Variants in BRAP observed in about 807,000 individuals in gnomAD.
The protein encoded by BRAP is BRCA1-associated protein.
A neutral mutation model predicts 73.4 loss-of-function variants in BRAP; 42 were observed. The observed-to-expected ratio is 0.57, with a 90% CI of 0.45 to 0.74. The LOEUF is 0.74. BRAP is among the 30% of genes least tolerant of loss of function. The probability of loss-of-function intolerance (pLI) is 0.00; values close to 1 mark genes in which losing one functional copy is unlikely to be tolerated. For missense variants in BRAP, 593 were observed against 751.4 expected (o/e 0.79, Z 2.46); for synonymous variants, 255 against 267.4 (o/e 0.95, Z 0.45).
At chr12:111,682,632 C>T (rs1887648613) in intron 2 of BRAP, among the ~76,000 whole-genome samples, 1 of 152,170 alleles carries the variant, frequency 6.6e-6, no homozygotes, top group African/African-American at 2.4e-5. Context: ...TCCCTGGTAG[C>T]CGGGTGTGGT....
rs1886900641 is a variant in BRAP at position 111,665,375 on chromosome 12, C to CA, written c.896+263_896+264insT. Among the ~76,000 whole-genome samples, 1 of 149,330 alleles carries CA rather than the reference C, an allele frequency of 6.7e-6. No individual in the cohort carries two copies. Among genetic ancestry groups the CA allele is most frequent in the Admixed American group, 6.7e-5 (1 of 14,868 alleles). On this transcript the variant is annotated intron_variant, in intron 6 of 11. Coordinates refer to ENST00000419234, the MANE Select transcript of BRAP (RefSeq NM_006768.5). The surrounding 1 kb of genome is among the most constrained non-coding windows in gnomAD (Gnocchi z 4.3). Reference sequence around the variant, plus strand: ...CACGAGAGCCTCAAACTAAGCTTTGCTTTTTTTTTTCACTCTCTGGCTCTT... The same window carrying CA: ...CACGAGAGCCTCAAACTAAGCTTTGCATTTTTTTTTTCACTCTCTGGCTCTT...
chr12:111,649,926 C>T lies in BRAP; in HGVS notation c.1415+13G>A, dbSNP rs752458140. On this transcript the variant is annotated intron_variant, in intron 11 of 11. Coordinates refer to ENST00000419234, the MANE Select transcript of BRAP (RefSeq NM_006768.5). Reference sequence around the variant, plus strand: ...TAGAGCCTGTTACAACAGAATAGACCGATTATACCTACTTTCTTTCCACAG... The same window carrying T: ...TAGAGCCTGTTACAACAGAATAGACTGATTATACCTACTTTCTTTCCACAG... The T allele has an allele frequency of 1.3e-6, 2 of 1,553,216 alleles. No homozygotes were observed. Among genetic ancestry groups the T allele is most frequent in the African/African-American group, 1.4e-5 (1 of 73,360 alleles).
chr12:111,669,233 T>TC (rs368767809), intron 5 of BRAP, among the ~76,000 whole-genome samples: 199 of 143,110 alleles, frequency 1.4e-3, no homozygotes, highest in African/African-American at 4.8e-3. Context: ...CTTCTCTCTC[T>TC]TTTTTTTTTT....
chr12:111,671,361 C>A (rs902158133), intron 5 of BRAP, among the ~76,000 whole-genome samples: 3 of 150,926 alleles, frequency 2.0e-5, no homozygotes, highest in Non-Finnish European at 4.4e-5. Flanking sequence ...ACTAGCCTGG[C>A]CAGTGTGGTG....
chr12:111,645,659 CA>C (rs779381836), intron 11 of BRAP, among the ~76,000 whole-genome samples: 44 of 152,200 alleles, frequency 2.9e-4, no homozygotes, highest in South Asian at 6.2e-4. Context: ...CAGTCTTACT[CA>C]TAAGTAAAGA....
rs532328093 is a variant in BRAP, at chr12:111,658,363, C to T, written c.1221+373G>A. 6.6e-5 allele frequency among the ~76,000 whole-genome samples: 10 copies of T among 152,016 alleles called. 1 individual carries two copies. The highest frequency in any genetic ancestry group is 2.2e-4 in the African/African-American group (9 of 41,470). ...TTGCCCAAGCTGGAGTGCAATGACC[C>T]GATCTCGGCTCACTGCAACCTCTGC... On this transcript the variant is annotated intron_variant, in intron 9 of 11. Coordinates refer to ENST00000419234, the MANE Select transcript of BRAP (RefSeq NM_006768.5).
intron 3 of BRAP, among the ~76,000 whole-genome samples, chr12:111,680,525 C>G (rs1383576179): frequency 7.6e-6 from 1 of 131,624 alleles, no homozygotes; most frequent in African/African-American, 3.3e-5. Flanking sequence ...GATGAAACCC[C>G]ATCTCTGCCA....
rs563819957 is a variant in BRAP at position 111,646,789 on chromosome 12, A to AT, written c.1416-2228_1416-2227insA. ...TTCCGTCTCAAAAATAAATAAATAA[A>AT]AACAAAAAATTTGCATGCCCTTTGA... On this transcript the variant is annotated intron_variant, in intron 11 of 11. Transcript: ENST00000419234. Among the ~76,000 whole-genome samples the AT allele has an allele frequency of 1.2e-4, 18 of 152,326 alleles. No homozygotes were observed. The South Asian group carries it at 3.7e-3, about 32-fold the overall frequency.
At chr12:111,674,283 C>T (rs1748651847) in intron 4 of BRAP, among the ~76,000 whole-genome samples, 1 of 152,034 alleles carries the variant, frequency 6.6e-6, no homozygotes, top group African/African-American at 2.4e-5. Flanking sequence ...CGCTTTGTCA[C>T]CCAGGCTGGA....
intron 6 of BRAP, among the ~76,000 whole-genome samples, chr12:111,662,657 TGTAAGAGAAAGGAAAG>T (rs941333304): frequency 4.6e-5 from 7 of 151,966 alleles, no homozygotes; most frequent in African/African-American, 1.7e-4. Flanking sequence ...GCTCTATCTG[TGTAAGAGAAAGGAAAG>T]GATCTAGTCC....
At chr12:111,659,407 T>C (rs1886656092) in intron 7 of BRAP, 62 bp from the exon 8 acceptor site, 6 of 1,521,300 alleles carry the variant, frequency 3.9e-6, no homozygotes, top group African/African-American at 1.4e-5. Context: ...CTGGGCGCGA[T>C]GGCTCGGAGG....
chr12:111,685,088 G>A (rs1887759062), intron 1 of BRAP, among the ~76,000 whole-genome samples: 1 of 152,216 alleles, frequency 6.6e-6, no homozygotes, highest in African/African-American at 2.4e-5. Flanking sequence ...TCAGACTCAA[G>A]TCCAGCTCAC....
intron 5 of BRAP, among the ~76,000 whole-genome samples, chr12:111,669,444 T>C (rs1298521488): frequency 6.6e-6 from 1 of 152,136 alleles, no homozygotes; most frequent in Non-Finnish European, 1.5e-5. Context: ...CAGGTTGGTC[T>C]TGAACTCCTG....
Position 111,683,319 on chromosome 12 carries a change from A to G in BRAP, c.83-12T>C, listed in dbSNP as rs757425792. On this transcript the variant is annotated splice_polypyrimidine_tract_variant and intron_variant, in intron 1 of 11. Coordinates refer to ENST00000419234, the MANE Select transcript of BRAP (RefSeq NM_006768.5). ...AGACATTTCCCCGGCTAAAGAACAC[A>G]TGAATGATTAATACAAGGTAATAAA... 73 of 1,604,800 alleles carry G rather than the reference A, an allele frequency of 4.5e-5. No homozygotes were observed. The highest frequency in any genetic ancestry group is 5.9e-5 in the Non-Finnish European group (70 of 1,176,540).
Position 111,643,466 on chromosome 12 carries a change from C to T in BRAP, c.*733G>A, listed in dbSNP as rs111916933. Reference sequence around the variant, plus strand: ...TTGGGAACAGCCATTAAGCCTCCTCCTTAATTGCGGTTCATAATGATGTAC... The same window carrying T: ...TTGGGAACAGCCATTAAGCCTCCTCTTTAATTGCGGTTCATAATGATGTAC... On this transcript the variant is annotated 3_prime_UTR_variant, in exon 12 of 12. Coordinates refer to ENST00000419234, the MANE Select transcript of BRAP (RefSeq NM_006768.5). The T allele has an allele frequency of 5.3e-5, 8 of 152,272 alleles. No individual in the cohort carries two copies. The highest frequency in any genetic ancestry group is 2.1e-4 in the South Asian group (1 of 4,826). The allele number at this position is 152,272 out of a possible 1,614,324, so 9.4% of individuals were successfully genotyped here.
In BRAP at chr12:111,644,356, T is replaced by C. The variant is rs1405524551; in HGVS notation, c.1622A>G (p.Glu541Gly). The part of the protein sequence containing the change: ...EQLRDVMFYL[E>G]TQQKINHLPA... ...CAGATGGTTGATCTTCTGCTGTGTC[T>C]CCAGGTAGAACATGACGTCACGCAG... Residue 541 changes from glutamate (E) to glycine (G), a missense_variant, in exon 12 of 12, where the codon GAG becomes GGG. Transcript: ENST00000419234. 6.2e-7 allele frequency: 1 copy of C among 1,613,608 alleles called. No homozygotes were observed. Among genetic ancestry groups the C allele is most frequent in the East Asian group, 2.2e-5 (1 of 44,844 alleles).
chr12:111,646,489 T>C (rs896426307), intron 11 of BRAP, among the ~76,000 whole-genome samples: 1 of 151,898 alleles, frequency 6.6e-6, no homozygotes, highest in Non-Finnish European at 1.5e-5. Context: ...AAACAAAAAA[T>C]TTGGGCCAGG....
chr12:111,666,819 T>C (rs1395967182), intron 5 of BRAP, among the ~76,000 whole-genome samples: 1 of 152,136 alleles, frequency 6.6e-6, no homozygotes, highest in Non-Finnish European at 1.5e-5. Flanking sequence ...AGTAGATACT[T>C]ACAGGAAATC....
intron 3 of BRAP, among the ~76,000 whole-genome samples, chr12:111,679,978 A>G (rs575157751): frequency 1.3e-5 from 2 of 150,750 alleles, no homozygotes; most frequent in Admixed American, 1.3e-4. Context: ...CTCTAAATAT[A>G]CGAGAGAATT....
Sources: allele counts gnomAD v4.1 joint callset (sites outside exome capture counted in the v4.1 genomes callset), GRCh38; gene constraint gnomAD v4.1.1; non-coding constraint Gnocchi (gnomAD v3.1); transcripts MANE v1.5; gene names NCBI Gene and HGNC (gene_info 2026-07-23, HGNC 2026-07-21).